The following AGBL1 variants were observed in gnomAD, a reference collection of about 807,000 sequenced individuals.
AGBL1 encodes the protein AGBL carboxypeptidase 1.
In AGBL1, 130 loss-of-function variants were observed where a neutral mutation model predicts 118.9. The observed-to-expected ratio is 1.09, with a 90% CI of 0.95 to 1.26. AGBL1 has a LOEUF of 1.26. AGBL1 is among the 50% of genes most tolerant of loss of function. The pLI, the probability that AGBL1 is intolerant of heterozygous loss-of-function variation, is 0.00. For synonymous variants in AGBL1, 555 were observed against 478.9 expected, an observed-to-expected ratio of 1.16 and a Z score of -2.08; for missense variants, 1,584 against 1,298.1, an observed-to-expected ratio of 1.22 and a Z score of -3.38.
rs550898163 is a variant in AGBL1, at chr15:86,979,192, T to C, written c.3222-8795T>C. On this transcript the variant is annotated intron_variant, in intron 23 of 24. Coordinates refer to the AGBL1 transcript ENST00000441037. ...TTAAAATGCTAAAAATGTGTCTATC[T>C]GAGCAATTAAAATATAAATCATGAA... Among the ~76,000 whole-genome samples, 6 of 152,300 alleles carry C rather than the reference T, an allele frequency of 3.9e-5. No homozygotes were observed. In the East Asian group the frequency reaches 1.2e-3, roughly 29 times the overall value.
downstream of AGBL1, among the ~76,000 whole-genome samples, chr15:86,917,089 G>A (rs952532934): frequency 1.3e-5 from 2 of 152,196 alleles, no homozygotes; most frequent in Non-Finnish European, 2.9e-5. This position sits in a 1 kb window ranked among gnomAD's most constrained non-coding sequence, Gnocchi z 4.8. Flanking sequence ...CACATGGTTT[G>A]GCCTGCTAGG....
intron 9 of AGBL1, among the ~76,000 whole-genome samples, chr15:86,261,954 C>T (rs931019282): frequency 1.3e-5 from 2 of 152,094 alleles, no homozygotes; most frequent in Non-Finnish European, 2.9e-5. Context: ...CTCCCGCCTA[C>T]TTCTCAAATC....
At chr15:86,584,761 A>T (rs1175037826) in intron 21 of AGBL1, among the ~76,000 whole-genome samples, 1 of 152,098 alleles carries the variant, frequency 6.6e-6, no homozygotes, top group African/African-American at 2.4e-5. Context: ...GAATATGTTG[A>T]TTTCTTTGGG....
intron 22 of AGBL1, among the ~76,000 whole-genome samples, chr15:86,780,608 A>G (rs372322912): frequency 3.6e-4 from 54 of 151,244 alleles, no homozygotes; most frequent in African/African-American, 1.2e-3. Flanking sequence ...AAAGTTTTTT[A>G]TTCTATGGCT....
intron 18 of AGBL1, among the ~76,000 whole-genome samples, chr15:86,473,809 A>G (rs982502292): frequency 6.6e-6 from 1 of 152,150 alleles, no homozygotes; most frequent in African/African-American, 2.4e-5. Context: ...ATCATTGATT[A>G]TTAACTCGGT....
intron 21 of AGBL1, among the ~76,000 whole-genome samples, chr15:86,638,069 G>A (rs772813704): frequency 2.0e-5 from 3 of 151,970 alleles, no homozygotes; most frequent in South Asian, 2.1e-4. Context: ...TTCATACTTC[G>A]GGACTACTTC....
At chr15:86,113,212 T>TTTTTGTTTTCTTTTC (rs1360991155) in intron 1 of AGBL1, among the ~76,000 whole-genome samples, 2 of 122,132 alleles carry the variant, frequency 1.6e-5, no homozygotes, top group Non-Finnish European at 3.5e-5. Context: ...TTTCTTTTTC[T>TTTTTGTTTTCTTTTC]TTTTCTTTTC....
chr15:86,886,037 C>A (rs1002110223), intron 22 of AGBL1, among the ~76,000 whole-genome samples: 5 of 152,138 alleles, frequency 3.3e-5, no homozygotes, highest in African/African-American at 9.7e-5. Flanking sequence ...AATAGCATTG[C>A]TGATTTTTTG....
chr15:86,889,192 C>T (rs916669507), intron 22 of AGBL1, among the ~76,000 whole-genome samples: 3 of 151,854 alleles, frequency 2.0e-5, no homozygotes, highest in Admixed American at 6.6e-5. Context: ...CCCATTTTAT[C>T]TCTGTTGTTT....
rs113227733 is a variant in AGBL1, at chr15:86,269,272, A to G, written c.1839-647A>G. Among the ~76,000 whole-genome samples the G allele has an allele frequency of 2.4e-3, 360 of 152,242 alleles. 3 individuals are homozygous for G. The highest frequency in any genetic ancestry group is 7.7e-3 in the African/African-American group (321 of 41,536). ...TTCATGTTTGTTGTTTTGCTGGGGGATGTATATTTACTAGGTTATTTGATT... is the reference window on the plus strand; with the variant it reads ...TTCATGTTTGTTGTTTTGCTGGGGGGTGTATATTTACTAGGTTATTTGATT... On this transcript the variant is annotated intron_variant, in intron 13 of 22. Coordinates refer to ENST00000614907, the MANE Select transcript of AGBL1 (RefSeq NM_001386094.1).
At chr15:86,353,002 T>C (rs577050283) in intron 17 of AGBL1, among the ~76,000 whole-genome samples, 93 of 152,314 alleles carry the variant, frequency 6.1e-4, no homozygotes, top group Admixed American at 3.3e-4. Flanking sequence ...TGAAATGATA[T>C]TAAAAATCTC....
At chr15:86,853,325 T>C (rs1467656910) in intron 22 of AGBL1, among the ~76,000 whole-genome samples, 3 of 152,174 alleles carry the variant, frequency 2.0e-5, no homozygotes, top group Non-Finnish European at 2.9e-5. Flanking sequence ...CAAATAAGCA[T>C]TAGCAATTAA....
intron 24 of AGBL1, among the ~76,000 whole-genome samples, chr15:86,995,445 C>G (rs1014529359): frequency 6.6e-6 from 1 of 152,074 alleles, no homozygotes; most frequent in Non-Finnish European, 1.5e-5. Context: ...AGTTAACCAA[C>G]CTGTCCAAGT....
At chr15:86,867,302 G>T (rs185350879) in intron 22 of AGBL1, among the ~76,000 whole-genome samples, 1 of 152,128 alleles carries the variant, frequency 6.6e-6, no homozygotes, top group African/African-American at 2.4e-5. Context: ...CACTTGATGT[G>T]CTGGTACTTC....
intron 18 of AGBL1, among the ~76,000 whole-genome samples, chr15:86,456,454 G>T (rs889545807): frequency 1.3e-5 from 2 of 152,282 alleles, no homozygotes; most frequent in Admixed American, 1.3e-4. Context: ...TCTTCCCAAT[G>T]ACCAGGCAGC....
chr15:86,974,720 G>A (rs2081155480), intron 23 of AGBL1, among the ~76,000 whole-genome samples: 1 of 150,934 alleles, frequency 6.6e-6, no homozygotes, highest in Non-Finnish European at 1.5e-5. Context: ...GAGGACATGA[G>A]CAATACTAGC....
intron 17 of AGBL1, 23 bp downstream of exon 17, chr15:86,295,431 C>T (rs375049413): frequency 5.2e-6 from 8 of 1,533,182 alleles, no homozygotes; most frequent in South Asian, 1.3e-5. Context: ...GGATCCTCTT[C>T]GTAGAAGATT....
chr15:86,413,666 A>G (rs185265218), intron 18 of AGBL1, among the ~76,000 whole-genome samples: 2 of 152,128 alleles, frequency 1.3e-5, no homozygotes, highest in African/African-American at 2.4e-5. Flanking sequence ...ACATTTGTAT[A>G]TCTTCTTTTG....
At position 86,295,516 on chromosome 15, in the gene AGBL1, ACTGT is replaced by A. The variant is rs1373290871; in HGVS notation, c.2374+115_2374+118del. The A allele has an allele frequency of 4.2e-6, 5 of 1,178,084 alleles. No homozygotes were observed. The Admixed American group carries it at 1.1e-4, about 25-fold the overall frequency. 73.0% of individuals were successfully genotyped at this position (1,178,084 alleles called of 1,614,324 possible). Reference sequence around the variant, plus strand: ...TCAAAAGCTCCATAAAGGGTTGGAGACTGTCTGTCTTTGTAGAAATACACCCCCA... The same window carrying A: ...TCAAAAGCTCCATAAAGGGTTGGAGACTGTCTTTGTAGAAATACACCCCCA... On this transcript the variant is annotated intron_variant, in intron 17 of 22. Transcript: ENST00000614907.
Sources: gnomAD v4.1 joint callset for allele counts (sites outside exome capture counted in the v4.1 genomes callset) on GRCh38, gnomAD v4.1.1 for gene constraint, Gnocchi (gnomAD v3.1) non-coding constraint, MANE v1.5 for transcripts, NCBI Gene and HGNC (gene_info 2026-07-23, HGNC 2026-07-21) for gene names.